CDH18: variants seen among roughly 807,000 people sequenced by gnomAD.
CDH18 encodes cadherin-18.
Under a neutral mutation model 67.9 loss-of-function variants are expected in CDH18, and 31 were observed. The ratio of observed to expected loss-of-function variants is 0.46; its 90% CI spans 0.34 to 0.62. The LOEUF is 0.62. CDH18 is among the 20% of genes least tolerant of loss of function. The pLI, the probability that CDH18 is intolerant of heterozygous loss-of-function variation, is 0.01. For synonymous variants in CDH18, 362 were observed against 347.2 expected (o/e 1.04, Z -0.48); for missense variants, 890 against 975.5 (o/e 0.91, Z 1.17).
chr5:20,034,628 C>G lies in CDH18; in HGVS notation c.-517-42614G>C, dbSNP rs547021127. ...CCTGAGTTTCTTCAAGCTAGGACAT[C>G]AGCCTTCTACCTTTAAACTTGGGCT... On this transcript the variant is annotated intron_variant, in intron 2 of 14. Coordinates refer to the CDH18 transcript ENST00000507958. Among the ~76,000 whole-genome samples the G allele has an allele frequency of 4.6e-5, 7 of 152,126 alleles. No individual in the cohort carries two copies. In the East Asian group the frequency reaches 1.4e-3, roughly 29 times the overall value.
intron 3 of CDH18, among the ~76,000 whole-genome samples, chr5:19,837,528 GA>G (rs139527010): frequency 2.0e-5 from 3 of 152,036 alleles, no homozygotes; most frequent in Non-Finnish European, 4.4e-5. Context: ...ACTTGGTAGG[GA>G]AAAAAGCATA....
chr5:20,548,624 G>T (rs1033223603), intron 1 of CDH18, among the ~76,000 whole-genome samples: 4 of 152,086 alleles, frequency 2.6e-5, no homozygotes, highest in African/African-American at 9.7e-5. Context: ...ACTGATGTTT[G>T]TACAGTGAAT....
intron 1 of CDH18, among the ~76,000 whole-genome samples, chr5:20,289,768 T>G (rs1004409411): frequency 2.0e-5 from 3 of 152,006 alleles, no homozygotes; most frequent in African/African-American, 7.2e-5. Context: ...AGGAAAACAC[T>G]GAAGATCAGA....
intron 1 of CDH18, among the ~76,000 whole-genome samples, chr5:20,497,129 T>C (rs1025960259): frequency 6.6e-6 from 1 of 151,970 alleles, no homozygotes; most frequent in Non-Finnish European, 1.5e-5. Context: ...ATTAATGTCA[T>C]AAAGGCCAAT....
In CDH18 at chr5:20,305,688, C is replaced by T. The variant is rs116381614; in HGVS notation, c.-579-50183G>A. The T allele has an allele frequency of 1.1e-5, 5 of 442,400 alleles. No homozygotes were observed. The South Asian group carries it at 1.2e-4, about 11-fold the overall frequency. The allele number at this position is 442,400 out of a possible 1,614,324, so 27.4% of individuals were successfully genotyped here. ...GTAGGGGAGATCCTCACGCTGTGTTCGGCAGCGAGGCGGCGAGACGCGCCG... is the reference window on the plus strand; with the variant it reads ...GTAGGGGAGATCCTCACGCTGTGTTTGGCAGCGAGGCGGCGAGACGCGCCG... On this transcript the variant is annotated intron_variant, in intron 1 of 14. Transcript: ENST00000507958.
chr5:19,551,740 G>A (rs150182040), intron 8 of CDH18, among the ~76,000 whole-genome samples: 147 of 152,090 alleles, frequency 9.7e-4, no homozygotes, highest in East Asian at 2.3e-3. Context: ...TTTCTCCTAC[G>A]ACTGCACTAT....
intron 3 of CDH18, among the ~76,000 whole-genome samples, chr5:19,768,577 A>G (rs1773368159): frequency 6.6e-6 from 1 of 152,166 alleles, no homozygotes; most frequent in Non-Finnish European, 1.5e-5. Context: ...GCTGCCCCAT[A>G]GTAAATGTTA....
intron 1 of CDH18, among the ~76,000 whole-genome samples, chr5:20,258,562 C>A (rs1429383624): frequency 6.6e-6 from 1 of 152,138 alleles, no homozygotes; most frequent in Non-Finnish European, 1.5e-5. Flanking sequence ...GATATTGGAT[C>A]AGCAACAAGC....
intron 2 of CDH18, among the ~76,000 whole-genome samples, chr5:20,215,404 C>A: frequency 6.6e-6 from 1 of 151,078 alleles, no homozygotes; most frequent in Admixed American, 6.6e-5. Context: ...AGGAAAATTT[C>A]AAATAATTTG....
At chr5:20,328,912 G>A (rs1371682766) in intron 1 of CDH18, among the ~76,000 whole-genome samples, 1 of 121,090 alleles carries the variant, frequency 8.3e-6, no homozygotes, top group African/African-American at 2.6e-5. Flanking sequence ...GCCTGGATAT[G>A]TCCAGACTGC....
At chr5:19,715,644 A>G (rs1293568947) in intron 5 of CDH18, among the ~76,000 whole-genome samples, 1 of 152,164 alleles carries the variant, frequency 6.6e-6, no homozygotes, top group Non-Finnish European at 1.5e-5. Flanking sequence ...GAAAGAATTT[A>G]ATCGCATATA....
intron 2 of CDH18, among the ~76,000 whole-genome samples, chr5:20,084,727 C>T (rs190536516): frequency 5.9e-5 from 9 of 152,284 alleles, no homozygotes; most frequent in Non-Finnish European, 1.3e-4. Context: ...GATTCAACAC[C>T]ATGCTGGAAC....
intron 2 of CDH18, among the ~76,000 whole-genome samples, chr5:19,998,674 T>C (rs796569813): frequency 1.9e-4 from 29 of 152,212 alleles, no homozygotes; most frequent in African/African-American, 6.7e-4. Context: ...AGTATTAGTA[T>C]TGTAGTGTGA....
At chr5:20,487,433 T>C (rs1209858310) in intron 1 of CDH18, among the ~76,000 whole-genome samples, 1 of 150,008 alleles carries the variant, frequency 6.7e-6, no homozygotes, top group South Asian at 2.1e-4. Context: ...CAGAGAAAAA[T>C]ATAATCGGGC....
chr5:20,524,707 T>G (rs1755944068), intron 1 of CDH18, among the ~76,000 whole-genome samples: 1 of 152,148 alleles, frequency 6.6e-6, no homozygotes, highest in African/African-American at 2.4e-5. Flanking sequence ...AGCTAGATAC[T>G]AGGTGTAGAA....
intron 2 of CDH18, among the ~76,000 whole-genome samples, chr5:19,972,334 A>G (rs1260131018): frequency 6.6e-6 from 1 of 152,046 alleles, no homozygotes; most frequent in Admixed American, 6.6e-5. Context: ...AATCAAGAAA[A>G]TGTTCACTAA....
intron 2 of CDH18, among the ~76,000 whole-genome samples, chr5:20,058,301 T>C (rs193149017): frequency 2.6e-5 from 4 of 152,264 alleles, no homozygotes; most frequent in Admixed American, 2.6e-4. Flanking sequence ...ATACCTTAAA[T>C]GAAATAGGAA....
intron 1 of CDH18, among the ~76,000 whole-genome samples, chr5:20,350,541 C>A (rs895404043): frequency 1.3e-5 from 2 of 152,120 alleles, no homozygotes; most frequent in Non-Finnish European, 2.9e-5. Context: ...CCATCCCCAG[C>A]TTGCCAATAT....
chr5:20,164,573 C>T (rs770543985), intron 2 of CDH18, among the ~76,000 whole-genome samples: 2 of 152,120 alleles, frequency 1.3e-5, no homozygotes, highest in Non-Finnish European at 2.9e-5. Flanking sequence ...TCGCACCCAG[C>T]CCAGTGTTTC....
Sources: allele counts gnomAD v4.1 joint callset (sites outside exome capture counted in the v4.1 genomes callset), GRCh38; gene constraint gnomAD v4.1.1; transcripts MANE v1.5; gene names NCBI Gene and HGNC (gene_info 2026-07-23, HGNC 2026-07-21).